The following SHOC1 variants were observed in gnomAD, a reference collection of about 807,000 sequenced individuals.
The protein encoded by SHOC1 is protein shortage in chiasmata 1 ortholog.
Under a neutral mutation model 179.2 loss-of-function variants are expected in SHOC1, and 136 were observed. That is an observed-to-expected ratio of 0.76 (90% confidence interval 0.66 to 0.87). SHOC1 has a LOEUF of 0.87. SHOC1 is among the 40% of genes least tolerant of loss of function. The pLI is 0.00. For missense variants in SHOC1, 1,538 were observed against 1,700.8 expected, an observed-to-expected ratio of 0.90 and a Z score of 1.68; for synonymous variants, 489 against 586.6, an observed-to-expected ratio of 0.83 and a Z score of 2.41.
intron 10 of SHOC1, among the ~76,000 whole-genome samples, chr9:111,743,331 T>C (rs1834126154): frequency 1.3e-5 from 2 of 152,224 alleles, no homozygotes; most frequent in South Asian, 4.1e-4. Flanking sequence ...TTTATCTGTG[T>C]TCAACTGCAG....
In SHOC1 at chr9:111,758,101, T is replaced by C; in HGVS notation, c.691A>G (p.Thr231Ala). 6.5e-7 allele frequency: 1 copy of C among 1,532,118 alleles called. No individual in the cohort carries two copies. Among genetic ancestry groups the C allele is most frequent in the East Asian group, 2.3e-5 (1 of 44,130 alleles). The allele number at this position is 1,532,118 out of a possible 1,614,324, so 94.9% of individuals were successfully genotyped here. A position where few individuals can be genotyped will look rare whatever the true frequency, so the allele number is the denominator to read the frequency against. ...VNFCQEKLED[T>A]ICLNEPSSFL... is the part of the protein sequence containing the mutation. Reference sequence around the variant, plus strand: ...ATTACAACCTCATTTAAACATATTGTATCTTCTAGTTTCTCTTGACAAAAG... The same window carrying C: ...ATTACAACCTCATTTAAACATATTGCATCTTCTAGTTTCTCTTGACAAAAG... The change falls in exon 7 of 28, where the codon ACA becomes GCA. Residue 231 changes from threonine to alanine, a missense_variant. Coordinates refer to ENST00000682961, the MANE Select transcript of SHOC1 (RefSeq NM_001378211.1).
rs150823256 is a variant in SHOC1, at chr9:111,723,809, A to G, written c.1937T>C (p.Ile646Thr). 11 of 1,611,892 alleles carry G rather than the reference A, an allele frequency of 6.8e-6. No individual in the cohort carries two copies. In the East Asian group the frequency reaches 2.2e-4, roughly 33 times the overall value. ...TAACATACCTGACGCTTGAATTTCA[A>G]TGACACTATCTGTTCCCCTTTCCTG... ...INQERGTDSV[I>T]EIQASDSQCQ... The change falls in exon 14 of 28, where the codon ATT becomes ACT. Residue 646 changes from isoleucine to threonine, a missense_variant. Transcript: ENST00000682961.
intron 5 of SHOC1, among the ~76,000 whole-genome samples, chr9:111,767,006 T>G (rs1835383738): frequency 6.8e-6 from 1 of 147,598 alleles, no homozygotes; most frequent in Admixed American, 7.0e-5. Flanking sequence ...TTGAGAAGTG[T>G]CTGTTCATAT....
rs35711608 is a variant in SHOC1, at chr9:111,737,237, CTG to C, written c.1417+1041_1417+1042del. 6.1e-3 allele frequency among the ~76,000 whole-genome samples: 936 copies of C among 152,330 alleles called. 8 individuals are homozygous for C. Among genetic ancestry groups the C allele is most frequent in the Non-Finnish European group, 0.01 (689 of 68,030 alleles). On this transcript the variant is annotated intron_variant, in intron 12 of 27. Transcript: ENST00000682961. ...TATGTTAAAAAAATCGTTCTGTCTT[CTG>C]TGTTTGAAACACTCCTTGCTGATAA...
chr9:111,769,529 G>A, intron 5 of SHOC1, among the ~76,000 whole-genome samples: 1 of 152,054 alleles, frequency 6.6e-6, no homozygotes, highest in East Asian at 1.9e-4. Context: ...AGGCTGGAGT[G>A]CAGTGGCATG....
chr9:111,714,859 C>T (rs1160041756), intron 16 of SHOC1, among the ~76,000 whole-genome samples: 1 of 152,182 alleles, frequency 6.6e-6, no homozygotes, highest in East Asian at 1.9e-4. Flanking sequence ...TACACACTCT[C>T]TAAATACATA....
intron 8 of SHOC1, among the ~76,000 whole-genome samples, chr9:111,750,522 A>G (rs1458632259): frequency 6.6e-6 from 1 of 152,058 alleles, no homozygotes; most frequent in Non-Finnish European, 1.5e-5. Context: ...TTTAGTAGAG[A>G]CGGGGTTTCA....
Position 111,769,975 on chromosome 9 carries a change from G to GTTTGTTTTTT in SHOC1, c.442+5815_442+5816insAAAAAACAAA, listed in dbSNP as rs1564161086. ...AATCTAGCGAAAGGTTTTATCTTCTGTTTTTTTTTTGTTTTTTTTTTTTTT... is the reference window on the plus strand; with the variant it reads ...AATCTAGCGAAAGGTTTTATCTTCTGTTTGTTTTTTTTTTTTTTTTGTTTTTTTTTTTTTT... On this transcript the variant is annotated intron_variant, in intron 5 of 27. Transcript: ENST00000682961. Among the ~76,000 whole-genome samples the GTTTGTTTTTT allele has an allele frequency of 1.9e-4, 17 of 87,802 alleles. 3 individuals are homozygous for GTTTGTTTTTT. Among genetic ancestry groups the GTTTGTTTTTT allele is most frequent in the Middle Eastern group, 5.6e-3 (1 of 178 alleles). 57.6% of individuals were successfully genotyped at this position (87,802 alleles called of 152,430 possible).
chr9:111,735,784 C>T (rs1833787843), intron 12 of SHOC1, among the ~76,000 whole-genome samples: 1 of 152,212 alleles, frequency 6.6e-6, no homozygotes, highest in Admixed American at 6.5e-5. Context: ...AACAGTTGAA[C>T]TAGTTTACAC....
At position 111,770,159 on chromosome 9, in the gene SHOC1, G is replaced by A. The variant is rs561285975; in HGVS notation, c.442+5632C>T. On this transcript the variant is annotated intron_variant, in intron 5 of 27. Coordinates refer to ENST00000682961, the MANE Select transcript of SHOC1 (RefSeq NM_001378211.1). ...TACTTTTTTGATACAGGCATTTATT[G>A]CTATAAACTTCCCTCTTGGTACTGG... is the stretch of plus-strand genomic sequence containing the variant. 4.6e-5 allele frequency among the ~76,000 whole-genome samples: 7 copies of A among 151,742 alleles called. No homozygotes were observed. In the South Asian group the frequency reaches 1.0e-3, roughly 23 times the overall value.
intron 8 of SHOC1, among the ~76,000 whole-genome samples, chr9:111,753,929 A>G (rs1249991330): frequency 6.6e-6 from 1 of 152,142 alleles, no homozygotes; most frequent in Middle Eastern, 3.2e-3. Context: ...AAGGGTATAC[A>G]CTTTCTATTA....
At chr9:111,791,487 T>C in intron 1 of SHOC1, 33 bp from the exon 2 acceptor site, 2 of 1,036,282 alleles carry the variant, frequency 1.9e-6, no homozygotes, top group Non-Finnish European at 2.7e-6. Context: ...TAAACACTGG[T>C]AAAATAGCAA....
chr9:111,718,271 C>G lies in SHOC1; in HGVS notation c.2149G>C (p.Glu717Gln). The change falls in exon 16 of 28, where the codon GAA becomes CAA. Residue 717 changes from glutamate (E) to glutamine (Q), a missense_variant. Transcript: ENST00000682961. ...AVRQGTIDER[E>Q]MTFKHAALLH... is the part of the protein sequence containing the mutation. ...AGAGCGGCATGCTTGAAAGTCATTT[C>G]TCTTTCATCAATTGTACCTAAGTAA... 6.3e-7 allele frequency: 1 copy of G among 1,594,118 alleles called. No homozygotes were observed. The highest frequency in any genetic ancestry group is 8.5e-7 in the Non-Finnish European group (1 of 1,173,298).
At chr9:111,760,941 A>G (rs991831874) in intron 5 of SHOC1, among the ~76,000 whole-genome samples, 9 of 151,506 alleles carry the variant, frequency 5.9e-5, no homozygotes, top group African/African-American at 2.2e-4. Context: ...AAAGTAATAA[A>G]ATAGGAGATT....
chr9:111,706,370 A>G lies in SHOC1; in HGVS notation c.2737+198T>C, dbSNP rs537706220. ...AAGGAATGAAAACATATAATTAGTA[A>G]AGCTTACTTTACAAATGAGGACTAC... is the stretch of plus-strand genomic sequence containing the variant. On this transcript the variant is annotated intron_variant, in intron 20 of 27. Transcript: ENST00000682961. 7.2e-5 allele frequency among the ~76,000 whole-genome samples: 11 copies of G among 152,242 alleles called. No individual in the cohort carries two copies. The South Asian group carries it at 2.3e-3, about 32-fold the overall frequency.
intron 23 of SHOC1, 57 bp downstream of exon 23, chr9:111,702,048 G>A (rs1348081222): frequency 2.4e-6 from 3 of 1,264,204 alleles, no homozygotes; most frequent in Non-Finnish European, 3.2e-6. Context: ...ATTCAAATAA[G>A]AGGACTTAGG....
chr9:111,733,831 C>G (rs1833698625), intron 12 of SHOC1, among the ~76,000 whole-genome samples: 1 of 151,148 alleles, frequency 6.6e-6, no homozygotes, highest in African/African-American at 2.4e-5. Flanking sequence ...TCACGCCAAC[C>G]TGGGCAACAG....
rs184050769 is a variant in SHOC1, at chr9:111,744,004, C to T, written c.1079+2230G>A. On this transcript the variant is annotated intron_variant, in intron 10 of 27. Transcript: ENST00000682961. ...CCTTTTTTTTCTAACTTTGCCAAAT[C>T]GTAAGTCATTAGTTAAGATTTGTTT... Among the ~76,000 whole-genome samples, 13 of 152,148 alleles carry T rather than the reference C, an allele frequency of 8.5e-5. No individual in the cohort carries two copies. The East Asian group carries it at 1.9e-3, about 23-fold the overall frequency.
intron 24 of SHOC1, among the ~76,000 whole-genome samples, chr9:111,699,007 A>G (rs1225126907): frequency 6.6e-6 from 1 of 152,208 alleles, no homozygotes; most frequent in Non-Finnish European, 1.5e-5. Context: ...AATAAAAAAA[A>G]AGAATAAATA....
Sources: gnomAD v4.1 joint callset for allele counts (sites outside exome capture counted in the v4.1 genomes callset) on GRCh38, gnomAD v4.1.1 for gene constraint, MANE v1.5 for transcripts, NCBI Gene and HGNC (gene_info 2026-07-23, HGNC 2026-07-21) for gene names.